ELAVL2: variants seen among roughly 807,000 people sequenced by gnomAD.
ELAVL2 encodes ELAV-like protein 2.
In ELAVL2, 4 loss-of-function variants were observed where a neutral mutation model predicts 34.6. The ratio of observed to expected loss-of-function variants is 0.12; its 90% CI spans 0.06 to 0.26. The LOEUF (loss-of-function observed/expected upper bound fraction) is 0.26, where lower values mean the gene tolerates loss of function less well. Among genes scored for constraint, ELAVL2 ranks in the 10% least tolerant of loss-of-function variants. The probability of loss-of-function intolerance (pLI) is 1.00; values close to 1 mark genes in which losing one functional copy is unlikely to be tolerated. For synonymous variants in ELAVL2, 193 were observed against 154.8 expected (o/e 1.25, Z -1.83); for missense variants, 432 against 442.8 (o/e 0.98, Z 0.22).
chr9:23,693,576 G>T, intron 5 of ELAVL2, 90 bp from the exon 6 acceptor site: 5 of 1,454,756 alleles, frequency 3.4e-6, no homozygotes, highest in Non-Finnish European at 3.9e-6. Flanking sequence ...TCTTCCGAGG[G>T]GATATCTGTA....
intron 1 of ELAVL2, among the ~76,000 whole-genome samples, chr9:23,802,314 G>C (rs544025131): frequency 1.3e-5 from 2 of 152,232 alleles, no homozygotes; most frequent in Admixed American, 1.3e-4. Context: ...TGCTACAAGG[G>C]ACTTCCAAAC....
chr9:23,828,485 G>A (rs1226784190), upstream of ELAVL2, among the ~76,000 whole-genome samples: 1 of 152,046 alleles, frequency 6.6e-6, no homozygotes, highest in African/African-American at 2.4e-5. Context: ...AAAATGATAG[G>A]GACAGGTGTG....
At chr9:23,778,169 A>T (rs1272236803) in intron 1 of ELAVL2, among the ~76,000 whole-genome samples, 1 of 152,200 alleles carries the variant, frequency 6.6e-6, no homozygotes, top group Non-Finnish European at 1.5e-5. Context: ...AACAAAAAAT[A>T]AAAAGCCAAC....
intron 1 of ELAVL2, among the ~76,000 whole-genome samples, chr9:23,805,036 A>C (rs1391572609): frequency 1.3e-5 from 2 of 152,232 alleles, no homozygotes; most frequent in Non-Finnish European, 2.9e-5. Context: ...ATGCTGGGAA[A>C]GTCAGCTGCA....
rs576344990 is a variant in ELAVL2 at position 23,801,225 on chromosome 9, A to G, written c.-16+24581T>C. ...AGAGCCTAGAACAAAATACAAAAAC[A>G]TTACTGGAAATAGGCTCAATATGTT... is the stretch of plus-strand genomic sequence containing the variant. On this transcript the variant is annotated intron_variant, in intron 1 of 6. Transcript: ENST00000397312. Among the ~76,000 whole-genome samples, 4 of 152,318 alleles carry G rather than the reference A, an allele frequency of 2.6e-5. No homozygotes were observed. In the East Asian group the frequency reaches 5.8e-4, roughly 22 times the overall value.
At chr9:23,756,563 C>T (rs544814828) in intron 2 of ELAVL2, among the ~76,000 whole-genome samples, 1 of 152,114 alleles carries the variant, frequency 6.6e-6, no homozygotes, top group African/African-American at 2.4e-5. Flanking sequence ...CACTTAAACA[C>T]ACACACACAC....
chr9:23,743,256 C>G (rs2049709041), intron 2 of ELAVL2, among the ~76,000 whole-genome samples: 1 of 152,168 alleles, frequency 6.6e-6, no homozygotes, highest in South Asian at 2.1e-4. Flanking sequence ...CACCAATTAA[C>G]AGATGGCTCC....
In ELAVL2 at chr9:23,746,241, C is replaced by A. The variant is rs189589882; in HGVS notation, c.230-15116G>T. ...AGCTATGGCAAGTTCACAACAGGGG[C>A]TTCTAACCAATTACAAAAGTTATTC... is the stretch of plus-strand genomic sequence containing the variant. On this transcript the variant is annotated intron_variant, in intron 2 of 6. Coordinates refer to ENST00000397312, the MANE Select transcript of ELAVL2 (RefSeq NM_004432.5). Among the ~76,000 whole-genome samples the A allele has an allele frequency of 5.3e-5, 8 of 152,234 alleles. No individual in the cohort carries two copies. In the East Asian group the frequency reaches 1.4e-3, roughly 26 times the overall value.
chr9:23,771,996 G>C (rs1253720247), intron 1 of ELAVL2, among the ~76,000 whole-genome samples: 1 of 152,072 alleles, frequency 6.6e-6, no homozygotes, highest in African/African-American at 2.4e-5. Context: ...TTTGGCAATA[G>C]AATCTAAAAA....
intron 5 of ELAVL2, among the ~76,000 whole-genome samples, chr9:23,699,830 TTTTTTTTTTTTTTTTTTTTTTTA>T (rs1563933638): frequency 1.2e-5 from 1 of 80,786 alleles, no homozygotes; most frequent in Non-Finnish European, 2.5e-5. Context: ...TTTTTTTTTT[TTTTTTTTTTTTTTTTTTTTTTTA>T]ATACCAATGC....
chr9:23,722,773 T>G (rs2044064939), intron 3 of ELAVL2, among the ~76,000 whole-genome samples: 1 of 152,222 alleles, frequency 6.6e-6, no homozygotes, highest in Admixed American at 6.5e-5. Context: ...GATTAAGTAT[T>G]TGCCTACCAG....
At chr9:23,814,026 A>G (rs901601715) in intron 1 of ELAVL2, among the ~76,000 whole-genome samples, 4 of 152,170 alleles carry the variant, frequency 2.6e-5, no homozygotes, top group Non-Finnish European at 5.9e-5. Flanking sequence ...TTGTTGCTCC[A>G]TCCTTCCAAG....
At chr9:23,705,737 C>T (rs1362762529) in intron 3 of ELAVL2, among the ~76,000 whole-genome samples, 5 of 152,170 alleles carry the variant, frequency 3.3e-5, no homozygotes, top group South Asian at 2.1e-4. Flanking sequence ...TGCAGCTAAT[C>T]GGACAGGAGG....
chr9:23,743,542 TTGTC>T (rs1449828742), intron 2 of ELAVL2, among the ~76,000 whole-genome samples: 2 of 152,184 alleles, frequency 1.3e-5, no homozygotes, highest in African/African-American at 4.8e-5. Context: ...GAGGCTTGTC[TTGTC>T]TTTTACCACT....
At chr9:23,788,798 G>C (rs1357077947) in intron 1 of ELAVL2, among the ~76,000 whole-genome samples, 2 of 152,152 alleles carry the variant, frequency 1.3e-5, no homozygotes, top group African/African-American at 4.8e-5. Flanking sequence ...GCTATACTAA[G>C]GGACTAACAG....
At chr9:23,731,269 T>C (rs2046460824) in intron 2 of ELAVL2, 144 bp from the exon 3 acceptor site, 1 of 619,016 alleles carries the variant, frequency 1.6e-6, no homozygotes, top group Non-Finnish European at 2.6e-6. Flanking sequence ...TCTAGAAATA[T>C]ACATGAAGTC....
intron 1 of ELAVL2, among the ~76,000 whole-genome samples, chr9:23,768,557 A>C (rs569938102): frequency 6.6e-6 from 1 of 152,232 alleles, no homozygotes; most frequent in South Asian, 2.1e-4. Context: ...TCAAACCAGA[A>C]GTAATTATGA....
chr9:23,735,499 G>A (rs62540059), intron 2 of ELAVL2: 2 of 152,010 alleles, frequency 1.3e-5, no homozygotes, highest in Non-Finnish European at 2.9e-5. Context: ...GGCTCGTCTC[G>A]AACTCCTGGC....
chr9:23,692,475 C>T lies in ELAVL2; in HGVS notation c.*82G>A. On this transcript the variant is annotated 3_prime_UTR_variant, in exon 7 of 7. Coordinates refer to ENST00000397312, the MANE Select transcript of ELAVL2 (RefSeq NM_004432.5). ...CCATCTCAACACTGACTTACAAAGACATTTACTAATGTATAAAGTTTCTCT... is the reference window on the plus strand; with the variant it reads ...CCATCTCAACACTGACTTACAAAGATATTTACTAATGTATAAAGTTTCTCT... 2 of 1,400,116 alleles carry T rather than the reference C, an allele frequency of 1.4e-6. No homozygotes were observed. Among genetic ancestry groups the T allele is most frequent in the East Asian group, 2.4e-5 (1 of 41,158 alleles). 86.7% of individuals were successfully genotyped at this position (1,400,116 alleles called of 1,614,324 possible).
Sources: allele counts gnomAD v4.1 joint callset (sites outside exome capture counted in the v4.1 genomes callset), GRCh38; gene constraint gnomAD v4.1.1; transcripts MANE v1.5; gene names NCBI Gene and HGNC (gene_info 2026-07-23, HGNC 2026-07-21).